METTL16: variants seen among roughly 807,000 people sequenced by gnomAD.
METTL16 encodes the protein RNA N(6)-adenosine-methyltransferase METTL16.
In METTL16, 19 loss-of-function variants were observed where a neutral mutation model predicts 57.9. The ratio of observed to expected loss-of-function variants is 0.33; its 90% confidence interval spans 0.23 to 0.48. The LOEUF (loss-of-function observed/expected upper bound fraction) is 0.48, where lower values mean the gene tolerates loss of function less well. Ranked by LOEUF, METTL16 falls within the 20% of genes least tolerant of loss-of-function variation. The pLI is 0.99. For synonymous variants in METTL16, 246 were observed against 255.6 expected, an observed-to-expected ratio of 0.96 and a Z score of 0.36; for missense variants, 434 against 691.5, an observed-to-expected ratio of 0.63 and a Z score of 4.18.
At chr17:2,465,984 G>A (rs1268987681) in intron 5 of METTL16, among the ~76,000 whole-genome samples, 1 of 152,062 alleles carries the variant, frequency 6.6e-6, no homozygotes, top group Non-Finnish European at 1.5e-5. Flanking sequence ...CTTGAGGTCA[G>A]GAGTTTGAGA....
At chr17:2,475,987 G>A (rs945086506) in intron 3 of METTL16, among the ~76,000 whole-genome samples, 1 of 152,248 alleles carries the variant, frequency 6.6e-6, no homozygotes, top group Admixed American at 6.5e-5. Flanking sequence ...GCAGAAAGGT[G>A]AGAGACGATG....
At position 2,422,155 on chromosome 17, in the gene METTL16, T is replaced by C. The variant is rs144250632; in HGVS notation, c.889-1251A>G. 6.6e-3 allele frequency among the ~76,000 whole-genome samples: 1,005 copies of C among 151,744 alleles called. 19 individuals are homozygous for C. Among genetic ancestry groups the C allele is most frequent in the African/African-American group, 0.023 (956 of 41,370 alleles). Reference sequence around the variant, plus strand: ...GGTGAAACCCCGTCTCTACCAAAAATACAAAAATTAGCTGGGCATGGGGGC... The same window carrying C: ...GGTGAAACCCCGTCTCTACCAAAAACACAAAAATTAGCTGGGCATGGGGGC... On this transcript the variant is annotated intron_variant, in intron 8 of 9. Coordinates refer to ENST00000263092, the MANE Select transcript of METTL16 (RefSeq NM_024086.4).
At chr17:2,434,317 C>A (rs2066894945) in intron 8 of METTL16, among the ~76,000 whole-genome samples, 2 of 152,264 alleles carry the variant, frequency 1.3e-5, no homozygotes, top group Admixed American at 1.3e-4. Flanking sequence ...CAGGTTCAAG[C>A]GATTCTCCTG....
intron 2 of METTL16, among the ~76,000 whole-genome samples, chr17:2,478,352 A>C (rs2067281497): frequency 2.6e-5 from 4 of 152,350 alleles, no homozygotes; most frequent in South Asian, 4.1e-4. Flanking sequence ...ATCATCTGAC[A>C]TTAGCATTCC....
rs2067454358 is a variant in METTL16, at chr17:2,497,353, C to T, written c.128+4851G>A. Among the ~76,000 whole-genome samples the T allele has an allele frequency of 3.0e-5, 4 of 133,880 alleles. 1 individual carries two copies. The Middle Eastern group carries it at 0.016, about 523-fold the overall frequency. 87.8% of individuals were successfully genotyped at this position (133,880 alleles called of 152,430 possible). A position where few individuals can be genotyped will look rare whatever the true frequency, so the allele number is the denominator to read the frequency against. On this transcript the variant is annotated intron_variant, in intron 2 of 9. Coordinates refer to ENST00000263092, the MANE Select transcript of METTL16 (RefSeq NM_024086.4). ...TTTGAGATAGGATCTCACTCTGTCG[C>T]CCAGGCTGGAGTGTAGTGGCACAAT...
At chr17:2,493,602 C>T (rs535246540) in intron 2 of METTL16, among the ~76,000 whole-genome samples, 2 of 151,772 alleles carry the variant, frequency 1.3e-5, no homozygotes, top group Admixed American at 1.3e-4. Flanking sequence ...GCCTATAATT[C>T]CAGCTACTCA....
At chr17:2,442,384 A>G (rs1233085439) in intron 6 of METTL16, among the ~76,000 whole-genome samples, 1 of 152,190 alleles carries the variant, frequency 6.6e-6, no homozygotes, top group Non-Finnish European at 1.5e-5. Context: ...ACACAGTCCA[A>G]CGTCTTGCTG....
intron 3 of METTL16, among the ~76,000 whole-genome samples, chr17:2,474,399 A>AAAAAAAAAAC (rs2067255896): frequency 6.6e-6 from 1 of 151,358 alleles, no homozygotes; most frequent in Non-Finnish European, 1.5e-5. Flanking sequence ...AAAAAAAAAA[A>AAAAAAAAAAC]AAAAAAAAGC....
chr17:2,484,645 C>T (rs1207671966), intron 2 of METTL16, among the ~76,000 whole-genome samples: 1 of 152,174 alleles, frequency 6.6e-6, no homozygotes, highest in Non-Finnish European at 1.5e-5. Context: ...CAGACATGTA[C>T]CACCATGCCC....
chr17:2,440,271 A>G (rs1444499250), intron 7 of METTL16, among the ~76,000 whole-genome samples: 1 of 151,002 alleles, frequency 6.6e-6, no homozygotes, highest in Non-Finnish European at 1.5e-5. Flanking sequence ...TTTTTTTGAG[A>G]CGGAGTCTCG....
intron 2 of METTL16, among the ~76,000 whole-genome samples, chr17:2,496,552 G>C (rs1336759723): frequency 1.3e-5 from 2 of 151,698 alleles, no homozygotes; most frequent in Non-Finnish European, 2.9e-5. Flanking sequence ...TTTCCATTTT[G>C]ATGCTTTTTG....
intron 1 of METTL16, among the ~76,000 whole-genome samples, chr17:2,505,543 C>T (rs1187910557): frequency 1.3e-5 from 2 of 151,762 alleles, no homozygotes; most frequent in Non-Finnish European, 2.9e-5. Context: ...GCCACCACGC[C>T]CGGCCAGAAC....
rs936647579 is a variant in METTL16, at chr17:2,488,467, G to A, written c.129-10582C>T. 2.0e-5 allele frequency among the ~76,000 whole-genome samples: 3 copies of A among 152,072 alleles called. No homozygotes were observed. The East Asian group carries it at 5.8e-4, about 29-fold the overall frequency. ...AGCTACTCGGGAGGCTGAGGCAGGA[G>A]AATCGCTTCAACCCGGGAGGCGGAT... On this transcript the variant is annotated intron_variant, in intron 2 of 9. Coordinates refer to ENST00000263092, the MANE Select transcript of METTL16 (RefSeq NM_024086.4).
intron 2 of METTL16, among the ~76,000 whole-genome samples, chr17:2,480,054 C>T (rs12947416): frequency 0.17 from 26,481 of 151,570 alleles, 2,957 homozygotes; most frequent in Middle Eastern, 0.28. Flanking sequence ...GGCATGGTGG[C>T]GCATGCCTGT....
rs867502725 is a variant in METTL16, at chr17:2,489,492, T to C, written c.129-11607A>G. On this transcript the variant is annotated intron_variant, in intron 2 of 9. Coordinates refer to ENST00000263092, the MANE Select transcript of METTL16 (RefSeq NM_024086.4). ...CAACACGGTGAAACCCCGTCTCCACTAAAAGTACAAAAATTAGCCGAGCGT... is the reference window on the plus strand; with the variant it reads ...CAACACGGTGAAACCCCGTCTCCACCAAAAGTACAAAAATTAGCCGAGCGT... Among the ~76,000 whole-genome samples the C allele has an allele frequency of 6.6e-5, 10 of 151,888 alleles. No individual in the cohort carries two copies. In the Middle Eastern group the frequency reaches 0.01, roughly 155 times the overall value.
In METTL16 at chr17:2,441,413, A is replaced by G. The variant is rs189474261; in HGVS notation, c.798+77T>C. ...GACTTCACCACAATGCAATATATCA[A>G]TGTAGCAAAACTGTACTTGTGCCCC... is the stretch of plus-strand genomic sequence containing the variant. On this transcript the variant is annotated intron_variant, in intron 7 of 9. Transcript: ENST00000263092. The G allele has an allele frequency of 2.6e-4, 272 of 1,034,750 alleles. 1 individual carries two copies. The African/African-American group carries it at 4.0e-3, about 15-fold the overall frequency. 64.1% of individuals were successfully genotyped at this position (1,034,750 alleles called of 1,614,324 possible). A position where few individuals can be genotyped will look rare whatever the true frequency, so the allele number is the denominator to read the frequency against.
intron 2 of METTL16, among the ~76,000 whole-genome samples, chr17:2,496,492 T>C (rs1183888796): frequency 6.6e-6 from 1 of 151,692 alleles, no homozygotes; most frequent in Non-Finnish European, 1.5e-5. Context: ...TTCTATACTT[T>C]TCAAAATGCT....
intron 6 of METTL16, among the ~76,000 whole-genome samples, chr17:2,448,858 C>A (rs2067047254): frequency 9.2e-6 from 1 of 108,802 alleles, no homozygotes; most frequent in South Asian, 3.4e-4. Flanking sequence ...GAAACCCCAT[C>A]TCTACTAAAA....
intron 6 of METTL16, among the ~76,000 whole-genome samples, chr17:2,449,500 G>T (rs1194730636): frequency 6.6e-6 from 1 of 151,538 alleles, no homozygotes; most frequent in African/African-American, 2.4e-5. Flanking sequence ...GAGCCACCAT[G>T]TCTGGCTTAA....
Sources: gnomAD v4.1 joint callset for allele counts (sites outside exome capture counted in the v4.1 genomes callset) on GRCh38, gnomAD v4.1.1 for gene constraint, MANE v1.5 for transcripts, NCBI Gene and HGNC (gene_info 2026-07-23, HGNC 2026-07-21) for gene names.